The following SCN11A variants were observed in gnomAD, a reference collection of about 807,000 sequenced individuals.
SCN11A encodes the protein sodium channel protein type 11 subunit alpha.
Under a neutral mutation model 162.2 loss-of-function variants are expected in SCN11A, and 122 were observed. The ratio of observed to expected loss-of-function variants is 0.75; its 90% CI spans 0.65 to 0.87. SCN11A has a LOEUF of 0.87. Among genes scored for constraint, SCN11A ranks in the 40% least tolerant of loss-of-function variants. The probability of loss-of-function intolerance (pLI) is 0.00; values close to 1 mark genes in which losing one functional copy is unlikely to be tolerated. For synonymous variants in SCN11A, 758 were observed against 751.5 expected (o/e 1.01, Z -0.14); for missense variants, 2,015 against 2,181.6 (o/e 0.92, Z 1.52).
chr3:38,998,999 T>C (rs1343688138), intron 2 of SCN11A, among the ~76,000 whole-genome samples: 1 of 152,020 alleles, frequency 6.6e-6, no homozygotes, highest in Non-Finnish European at 1.5e-5. Context: ...ATGGCACATG[T>C]ATACATATGT....
At chr3:38,996,632 AT>A (rs2030639690) in intron 2 of SCN11A, among the ~76,000 whole-genome samples, 1 of 152,328 alleles carries the variant, frequency 6.6e-6, no homozygotes, top group Non-Finnish European at 1.5e-5. Context: ...TGCTGAGAAG[AT>A]AATGTTCCCA....
intron 7 of SCN11A, among the ~76,000 whole-genome samples, chr3:38,931,886 C>T (rs2066246618): frequency 6.6e-6 from 1 of 152,212 alleles, no homozygotes; most frequent in Non-Finnish European, 1.5e-5. Flanking sequence ...ATTCCATTCA[C>T]AAGAAGCTTC....
intron 28 of SCN11A, among the ~76,000 whole-genome samples, chr3:38,858,052 A>G (rs756229174): frequency 2.6e-5 from 4 of 152,240 alleles, no homozygotes; most frequent in Admixed American, 2.0e-4. Context: ...AAACAAACAA[A>G]CAAACAAAAC....
Position 38,950,091 on chromosome 3 carries a change from A to G in SCN11A, c.267+5T>C, listed in dbSNP as rs2125577059. On this transcript the variant is annotated splice_donor_5th_base_variant and intron_variant, in intron 5 of 29. Coordinates refer to ENST00000302328, the MANE Select transcript of SCN11A (RefSeq NM_001349253.2). ...CCCACCCCCCCCCCCCGCCCAATGAAGTACCTTATGATTTCGGTAGAATGG... is the reference window on the plus strand; with the variant it reads ...CCCACCCCCCCCCCCCGCCCAATGAGGTACCTTATGATTTCGGTAGAATGG... 1.2e-5 allele frequency: 4 copies of G among 321,312 alleles called. No individual in the cohort carries two copies. The highest frequency in any genetic ancestry group is 9.8e-6 in the Non-Finnish European group (2 of 203,724). 19.9% of individuals were successfully genotyped at this position (321,312 alleles called of 1,614,324 possible).
At chr3:39,032,742 T>C (rs2031791945) in intron 1 of SCN11A, among the ~76,000 whole-genome samples, 1 of 152,174 alleles carries the variant, frequency 6.6e-6, no homozygotes, top group Non-Finnish European at 1.5e-5. Flanking sequence ...ACCTAAAATA[T>C]ATTGAATATT....
chr3:38,879,292 G>A (rs2065270364), intron 23 of SCN11A, among the ~76,000 whole-genome samples: 1 of 152,170 alleles, frequency 6.6e-6, no homozygotes, highest in Admixed American at 6.6e-5. Context: ...AAGAGTACTT[G>A]ATACAGAGAA....
chr3:38,847,046 A>G lies in SCN11A; in HGVS notation c.5024T>C (p.Val1675Ala). The change falls in exon 30 of 30, where the codon GTG (valine) becomes GCG (alanine). Residue 1675 changes from valine to alanine, a missense_variant. Transcript: ENST00000302328. ...CATGCAGTGGAGGCGATCTTCACTC[A>G]CCATGGGCAAGTCCATTACTAGAAA... Reference protein sequence around the residue: ...YQFLVMDLPMVSEDRLHCMDI... With the variant: ...YQFLVMDLPMASEDRLHCMDI... 1 of 1,614,048 alleles carries G rather than the reference A, an allele frequency of 6.2e-7. No homozygotes were observed. The highest frequency in any genetic ancestry group is 2.2e-5 in the East Asian group (1 of 44,862).
intron 11 of SCN11A, among the ~76,000 whole-genome samples, chr3:38,911,826 T>C (rs766595764): frequency 6.6e-6 from 1 of 152,216 alleles, no homozygotes; most frequent in African/African-American, 2.4e-5. Flanking sequence ...TTTATGTATA[T>C]AATATCTCTT....
At chr3:38,909,870 C>A (rs2065861089) in intron 12 of SCN11A, among the ~76,000 whole-genome samples, 196 bp downstream of exon 12, 1 of 151,842 alleles carries the variant, frequency 6.6e-6, no homozygotes, top group Non-Finnish European at 1.5e-5. Context: ...GCGTGCCTGG[C>A]CAATTTTCTT....
intron 2 of SCN11A, among the ~76,000 whole-genome samples, chr3:39,023,999 T>A (rs993884710): frequency 6.6e-6 from 1 of 152,084 alleles, no homozygotes; most frequent in African/African-American, 2.4e-5. Context: ...GTTTTTTCTG[T>A]CTCCATGGAG....
intron 1 of SCN11A, among the ~76,000 whole-genome samples, 181 bp from the exon 2 acceptor site, chr3:39,032,684 A>G (rs1452859959): frequency 1.3e-5 from 2 of 152,360 alleles, no homozygotes; most frequent in East Asian, 3.9e-4. Flanking sequence ...CTAGGAAATT[A>G]TAACACTTTG....
chr3:38,851,338 T>C (rs969855826), intron 28 of SCN11A, among the ~76,000 whole-genome samples: 3 of 152,156 alleles, frequency 2.0e-5, no homozygotes, highest in Non-Finnish European at 4.4e-5. Flanking sequence ...GAGATTATAA[T>C]CCAATAATTA....
intron 2 of SCN11A, among the ~76,000 whole-genome samples, chr3:39,008,141 G>C (rs1382844936): frequency 6.6e-6 from 1 of 152,208 alleles, no homozygotes; most frequent in Non-Finnish European, 1.5e-5. Context: ...TCTGAATGTA[G>C]AGTAACAGGA....
intron 1 of SCN11A, among the ~76,000 whole-genome samples, chr3:39,036,119 G>A (rs1052785896): frequency 2.0e-5 from 3 of 152,012 alleles, no homozygotes; most frequent in African/African-American, 2.4e-5. Flanking sequence ...ATCCTCCTGC[G>A]TCAGCTTTCT....
chr3:38,948,256 C>G (rs759474284), intron 5 of SCN11A, among the ~76,000 whole-genome samples: 1 of 152,204 alleles, frequency 6.6e-6, no homozygotes, highest in Non-Finnish European at 1.5e-5. Context: ...AGATGAGTCA[C>G]CCCACATTAA....
At chr3:38,972,065 C>G (rs1229005904) in intron 2 of SCN11A, among the ~76,000 whole-genome samples, 1 of 152,178 alleles carries the variant, frequency 6.6e-6, no homozygotes. Flanking sequence ...AAAGGAAACA[C>G]TAGATGGCTG....
intron 29 of SCN11A, chr3:38,850,268 G>T: frequency 1.8e-6 from 1 of 540,730 alleles, no homozygotes. Context: ...CTCTATTTCA[G>T]TTGTGTAGTG....
chr3:38,913,641 A>T (rs1444102486), intron 11 of SCN11A, among the ~76,000 whole-genome samples: 4 of 152,218 alleles, frequency 2.6e-5, no homozygotes, highest in Admixed American at 6.5e-5. Flanking sequence ...TTTACATTTA[A>T]GTCTTTAATC....
At chr3:39,030,294 C>A (rs948997319) in intron 2 of SCN11A, among the ~76,000 whole-genome samples, 1 of 152,164 alleles carries the variant, frequency 6.6e-6, no homozygotes, top group African/African-American at 2.4e-5. Context: ...AGAACCTGGT[C>A]GTGATGGCTG....
Sources: allele counts gnomAD v4.1 joint callset (sites outside exome capture counted in the v4.1 genomes callset), GRCh38; gene constraint gnomAD v4.1.1; transcripts MANE v1.5; gene names NCBI Gene and HGNC (gene_info 2026-07-23, HGNC 2026-07-21).